Variants in PRKN observed in about 807,000 individuals in gnomAD.
The protein encoded by PRKN is E3 ubiquitin-protein ligase parkin.
Under a neutral mutation model 59.5 loss-of-function variants are expected in PRKN, and 56 were observed. The ratio of observed to expected loss-of-function variants is 0.94; its 90% CI spans 0.76 to 1.18. The LOEUF (loss-of-function observed/expected upper bound fraction) is 1.18, where lower values mean the gene tolerates loss of function less well. PRKN is among the 50% of genes most tolerant of loss of function. The pLI, the probability that PRKN is intolerant of heterozygous loss-of-function variation, is 0.00. For missense variants in PRKN, 657 were observed against 596.4 expected (o/e 1.10, Z -1.06); for synonymous variants, 250 against 222.1 (o/e 1.13, Z -1.12).
intron 1 of PRKN, among the ~76,000 whole-genome samples, chr6:162,586,459 C>T (rs190085000): frequency 5.8e-4 from 88 of 152,262 alleles, no homozygotes; most frequent in Non-Finnish European, 1.6e-4. Context: ...CAAAGGTACA[C>T]TATGAACACT....
At chr6:162,527,117 C>T (rs552249948) in intron 1 of PRKN, among the ~76,000 whole-genome samples, 2 of 152,272 alleles carry the variant, frequency 1.3e-5, no homozygotes, top group East Asian at 1.9e-4. Context: ...TCTGCTTAAT[C>T]GAAGGTAGGA....
intron 2 of PRKN, among the ~76,000 whole-genome samples, chr6:162,347,114 AT>A (rs1401597623): frequency 6.7e-5 from 10 of 148,276 alleles, no homozygotes; most frequent in Non-Finnish European, 9.0e-5. Context: ...TATTTATTTT[AT>A]TTTTTTCTTT....
chr6:162,268,968 A>G (rs1324289058), intron 2 of PRKN, among the ~76,000 whole-genome samples: 1 of 151,876 alleles, frequency 6.6e-6, no homozygotes, highest in Non-Finnish European at 1.5e-5. Flanking sequence ...CAAAGTAAAG[A>G]TTAGTCCAGT....
At chr6:162,158,757 A>G (rs1311047854) in intron 4 of PRKN, among the ~76,000 whole-genome samples, 1 of 151,660 alleles carries the variant, frequency 6.6e-6, no homozygotes, top group Non-Finnish European at 1.5e-5. Flanking sequence ...CCTTCTTCCT[A>G]TTCCTTTCTT....
rs1779711180 is a variant in PRKN at position 161,544,078 on chromosome 6, A to AG, written c.1083+4775_1083+4776insC. Among the ~76,000 whole-genome samples the AG allele has an allele frequency of 6.6e-6, 1 of 152,222 alleles. No individual in the cohort carries two copies. ...CTAGACTAGTATTTGGTACCAAAAT[A>AG]CATTCTCTGCTGCGTTCTATCTATG... On this transcript the variant is annotated intron_variant, in intron 9 of 11. Transcript: ENST00000366898. This position sits in a 1 kb window ranked among gnomAD's most constrained non-coding sequence, Gnocchi z 5.5.
chr6:162,202,523 G>A (rs1234940422), intron 3 of PRKN, among the ~76,000 whole-genome samples: 1 of 152,060 alleles, frequency 6.6e-6, no homozygotes, highest in African/African-American at 2.4e-5. Flanking sequence ...AGTGGGAAAT[G>A]GAAGATAAAA....
chr6:161,589,579 G>A (rs1370151620), intron 7 of PRKN, among the ~76,000 whole-genome samples: 2 of 151,842 alleles, frequency 1.3e-5, no homozygotes, highest in African/African-American at 4.8e-5. Context: ...TAAGAAAGAG[G>A]AAAATACATG....
intron 2 of PRKN, among the ~76,000 whole-genome samples, chr6:162,387,326 G>C (rs1361648183): frequency 6.6e-6 from 1 of 150,524 alleles, no homozygotes; most frequent in African/African-American, 2.4e-5. Flanking sequence ...CTCAACAAAA[G>C]CTTATTTTTT....
At chr6:161,469,240 C>G (rs1790643585) in intron 9 of PRKN, among the ~76,000 whole-genome samples, 1 of 151,612 alleles carries the variant, frequency 6.6e-6, no homozygotes, top group Admixed American at 6.6e-5. Flanking sequence ...TGAGTGAGTT[C>G]TCAGAAGATC....
At position 161,874,247 on chromosome 6, in the gene PRKN, AAT is replaced by A. The variant is rs1212715236; in HGVS notation, c.735-88341_735-88340del. Among the ~76,000 whole-genome samples, 67 of 15,298 alleles carry A rather than the reference AAT, an allele frequency of 4.4e-3. 10 individuals carry two copies. The highest frequency in any genetic ancestry group is 0.012 in the African/African-American group (65 of 5,552). The allele number at this position is 15,298 out of a possible 152,430, so 10.0% of individuals were successfully genotyped here. ...ATATTATATATAATATATAATATAT[AAT>A]ATATATTATATGTAAAATATATAAT... On this transcript the variant is annotated intron_variant, in intron 6 of 11. Transcript: ENST00000366898.
intron 6 of PRKN, among the ~76,000 whole-genome samples, chr6:161,856,638 A>G (rs1793667456): frequency 6.6e-6 from 1 of 152,132 alleles, no homozygotes; most frequent in Non-Finnish European, 1.5e-5. Flanking sequence ...CTCCCCAGAG[A>G]ACATCATAGT....
At chr6:161,775,870 A>G (rs1439121176) in intron 7 of PRKN, among the ~76,000 whole-genome samples, 6 of 152,228 alleles carry the variant, frequency 3.9e-5, no homozygotes, top group Admixed American at 1.3e-4. Context: ...ACAACCAAGA[A>G]GCATAACGGA....
At chr6:161,509,427 G>A (rs1336565452) in intron 9 of PRKN, among the ~76,000 whole-genome samples, 1 of 152,116 alleles carries the variant, frequency 6.6e-6, no homozygotes, top group Non-Finnish European at 1.5e-5. Flanking sequence ...TTAGAGCCAG[G>A]GAGGAGCCTG....
In PRKN at chr6:161,588,072, A is replaced by T. The variant is rs1781581949; in HGVS notation, c.872-18656T>A. Among the ~76,000 whole-genome samples the T allele has an allele frequency of 6.6e-6, 1 of 152,160 alleles. No homozygotes were observed. Among genetic ancestry groups the T allele is most frequent in the Non-Finnish European group, 1.5e-5 (1 of 68,036 alleles). On this transcript the variant is annotated intron_variant, in intron 7 of 11. Transcript: ENST00000366898. This position sits in a 1 kb window ranked among gnomAD's most constrained non-coding sequence, Gnocchi z 5.0. ...AATAAGACCATGTCAATAGAGCGTTAATTATTAGGATTAAAAATTTACTCT... is the reference window on the plus strand; with the variant it reads ...AATAAGACCATGTCAATAGAGCGTTTATTATTAGGATTAAAAATTTACTCT...
At chr6:161,860,920 T>C (rs891829867) in intron 6 of PRKN, among the ~76,000 whole-genome samples, 1 of 152,072 alleles carries the variant, frequency 6.6e-6, no homozygotes, top group Non-Finnish European at 1.5e-5. Flanking sequence ...TATTAAAAAG[T>C]CAGGAAACAA....
intron 1 of PRKN, among the ~76,000 whole-genome samples, chr6:162,559,318 T>G (rs1223364492): frequency 6.6e-6 from 1 of 152,040 alleles, no homozygotes; most frequent in Non-Finnish European, 1.5e-5. Context: ...GCAGGTAAAA[T>G]TTTTGTTCTA....
intron 9 of PRKN, among the ~76,000 whole-genome samples, chr6:161,477,157 A>G (rs1640293184): frequency 6.6e-6 from 1 of 152,230 alleles, no homozygotes; most frequent in African/African-American, 2.4e-5. Flanking sequence ...TTGGCTTTAA[A>G]AGTATTAAAA....
At chr6:161,734,465 G>T (rs1787883218) in intron 7 of PRKN, among the ~76,000 whole-genome samples, 2 of 152,138 alleles carry the variant, frequency 1.3e-5, no homozygotes, top group Admixed American at 1.3e-4. Flanking sequence ...ATTATGAAAG[G>T]CAGATCGCAA....
In PRKN at chr6:161,454,663, G is replaced by A. The variant is rs1789885394; in HGVS notation, c.1084-67786C>T. Among the ~76,000 whole-genome samples, 1 of 152,174 alleles carries A rather than the reference G, an allele frequency of 6.6e-6. No individual in the cohort carries two copies. On this transcript the variant is annotated intron_variant, in intron 9 of 11. Coordinates refer to ENST00000366898, the MANE Select transcript of PRKN (RefSeq NM_004562.3). The surrounding 1 kb of genome is among the most constrained non-coding windows in gnomAD (Gnocchi z 4.6). ...AGTTATACTGAAATTTAGAATATGT[G>A]GGTTGAAAAGCACCAAAGCCAGTGT...
Sources: gnomAD v4.1 joint callset for allele counts (sites outside exome capture counted in the v4.1 genomes callset) on GRCh38, gnomAD v4.1.1 for gene constraint, Gnocchi (gnomAD v3.1) non-coding constraint, MANE v1.5 for transcripts, NCBI Gene and HGNC (gene_info 2026-07-23, HGNC 2026-07-21) for gene names.